The following FBXO10 variants were observed in gnomAD, a reference collection of about 807,000 sequenced individuals.
FBXO10 encodes the protein F-box protein 10.
A neutral mutation model predicts 80.7 loss-of-function variants in FBXO10; 39 were observed. The ratio of observed to expected loss-of-function variants is 0.48; its 90% confidence interval spans 0.37 to 0.63. The LOEUF (loss-of-function observed/expected upper bound fraction) is 0.63, where lower values mean the gene tolerates loss of function less well. Ranked by LOEUF, FBXO10 falls within the 30% of genes least tolerant of loss-of-function variation. FBXO10 has a pLI of 0.00. For synonymous variants in FBXO10, 449 were observed against 489.6 expected (o/e 0.92, Z 1.09); for missense variants, 1,025 against 1,269.0 (o/e 0.81, Z 2.92).
chr9:37,523,002 G>C, intron 6 of FBXO10, 25 bp from the exon 7 acceptor site: 1 of 1,579,112 alleles, frequency 6.3e-7, no homozygotes, highest in Non-Finnish European at 8.6e-7. Flanking sequence ...AGAAAAGAAG[G>C]TCAGTACCCA....
chr9:37,551,865 T>C (rs905325788), intron 1 of FBXO10, among the ~76,000 whole-genome samples: 4 of 152,256 alleles, frequency 2.6e-5, no homozygotes, highest in African/African-American at 9.6e-5. Flanking sequence ...CCCATTTTAC[T>C]ATAAGCAGTT....
rs1441987761 is a variant in FBXO10, at chr9:37,521,504, A to AG, written c.2200+64dup. The AG allele has an allele frequency of 8.6e-6, 12 of 1,391,952 alleles. No homozygotes were observed. The African/African-American group carries it at 1.2e-4, about 14-fold the overall frequency. The allele number at this position is 1,391,952 out of a possible 1,614,324, so 86.2% of individuals were successfully genotyped here. A position where few individuals can be genotyped will look rare whatever the true frequency, so the allele number is the denominator to read the frequency against. ...AATTAAATTAAAAGTTTTAAATTGG[A>AG]GAAAAAAAAAGACAGTGGGGAGCCA... On this transcript the variant is annotated intron_variant, in intron 8 of 10. Transcript: ENST00000432825.
At position 37,525,118 on chromosome 9, in the gene FBXO10, G is replaced by A. The variant is rs761185054; in HGVS notation, c.1761C>T (p.Gly587=). ...RAAGIAVNEN[G]KGLITENVIR... ...CATCCGTACCTGTGATGAGGCCTTT[G>A]CCGTTCTCATTCACTGCTATGCCGG... Residue 587 remains glycine, a synonymous_variant, in exon 6 of 11, where the codon GGC becomes GGT. Coordinates refer to ENST00000432825, the MANE Select transcript of FBXO10 (RefSeq NM_012166.3). The A allele has an allele frequency of 6.4e-7, 1 of 1,563,176 alleles. No individual in the cohort carries two copies. Among genetic ancestry groups the A allele is most frequent in the South Asian group, 1.2e-5 (1 of 84,502 alleles).
intron 6 of FBXO10, 56 bp from the exon 7 acceptor site, chr9:37,523,033 C>A: frequency 1.3e-6 from 2 of 1,554,758 alleles, no homozygotes; most frequent in South Asian, 2.4e-5. Flanking sequence ...CCAGTGCTGG[C>A]AAATAGGACT....
At chr9:37,541,820 T>C in intron 1 of FBXO10, 46 bp from the exon 2 acceptor site, 1 of 1,445,506 alleles carries the variant, frequency 6.9e-7, no homozygotes, top group Non-Finnish European at 9.3e-7. Context: ...CTATCCTACT[T>C]ACCAGTCCCC....
At chr9:37,539,903 A>G (rs538143377) in intron 2 of FBXO10, among the ~76,000 whole-genome samples, 1 of 152,298 alleles carries the variant, frequency 6.6e-6, no homozygotes, top group Non-Finnish European at 1.5e-5. Flanking sequence ...TGGGGGTCCA[A>G]TGAGGTCACA....
chr9:37,539,646 G>A (rs1202115103), intron 2 of FBXO10, among the ~76,000 whole-genome samples: 1 of 152,210 alleles, frequency 6.6e-6, no homozygotes, highest in African/African-American at 2.4e-5. Context: ...TTCTGGGCCT[G>A]CAGACCAGCA....
chr9:37,549,704 A>G (rs1340499015), intron 1 of FBXO10, among the ~76,000 whole-genome samples: 1 of 152,098 alleles, frequency 6.6e-6, no homozygotes, highest in African/African-American at 2.4e-5. Context: ...CATGGTCTCA[A>G]TTTTGCTGAC....
chr9:37,548,749 T>TC (rs1822119378), intron 1 of FBXO10, among the ~76,000 whole-genome samples: 1 of 152,012 alleles, frequency 6.6e-6, no homozygotes, highest in Non-Finnish European at 1.5e-5. Context: ...CTATGACAGA[T>TC]CCTTTTTTTT....
At chr9:37,520,897 A>G (rs10973393) in intron 8 of FBXO10, among the ~76,000 whole-genome samples, 13,195 of 152,172 alleles carry the variant, frequency 0.087, 618 homozygotes, top group South Asian at 0.12. Context: ...TCTCAAGTTC[A>G]TGGCCTATCA....
In FBXO10 at chr9:37,537,186, G is replaced by A. The variant is rs754281293; in HGVS notation, c.1343C>T (p.Ser448Phe). The change falls in exon 3 of 11, where the codon TCC becomes TTC. Residue 448 changes from serine (S) to phenylalanine (F), a missense_variant. Physicochemically the swap from Ser to Phe is radical, Grantham distance 155. This residue lies in a region of FBXO10 where 478 missense variants were observed against 667.8 expected (regional missense o/e 0.72). Coordinates refer to ENST00000432825, the MANE Select transcript of FBXO10 (RefSeq NM_012166.3). ...RDGKGGVFVC[S>F]HGRAKMEGNI... ...TCCTTCCATCTTGGCTCTGCCGTGG[G>A]AGCAGACGAAGACGCCTCCCTTCCC... 1.9e-6 allele frequency: 3 copies of A among 1,613,966 alleles called. No individual in the cohort carries two copies. The highest frequency in any genetic ancestry group is 2.5e-6 in the Non-Finnish European group (3 of 1,179,906).
At chr9:37,533,617 TC>T (rs1211079488) in intron 3 of FBXO10, among the ~76,000 whole-genome samples, 1 of 151,316 alleles carries the variant, frequency 6.6e-6, no homozygotes, top group Non-Finnish European at 1.5e-5. Flanking sequence ...ATGCCTGTAA[TC>T]CCAGCACTTT....
At chr9:37,555,801 T>G (rs974098482) in intron 1 of FBXO10, among the ~76,000 whole-genome samples, 6 of 152,208 alleles carry the variant, frequency 3.9e-5, no homozygotes, top group African/African-American at 7.2e-5. Flanking sequence ...TGCCTTTTCA[T>G]TGTCTTAATG....
intron 1 of FBXO10, 122 bp from the exon 2 acceptor site, chr9:37,541,896 T>C (rs999275130): frequency 6.3e-6 from 5 of 796,166 alleles, no homozygotes; most frequent in African/African-American, 5.2e-5. Context: ...TGGTGCGATC[T>C]TGGCCTCACC....
chr9:37,534,487 G>T (rs1240316912), intron 3 of FBXO10, among the ~76,000 whole-genome samples: 3 of 152,218 alleles, frequency 2.0e-5, no homozygotes, highest in Admixed American at 2.0e-4. Context: ...GCGCCTCCAA[G>T]GAGACGAGGC....
rs150188363 is a variant in FBXO10 at position 37,534,649 on chromosome 9, G to T, written c.1419+2461C>A. On this transcript the variant is annotated intron_variant, in intron 3 of 10. Coordinates refer to ENST00000432825, the MANE Select transcript of FBXO10 (RefSeq NM_012166.3). Reference sequence around the variant, plus strand: ...AGCTGCACCTGTTCACTTCTCTGTGGCCTTCACTAGGTGTTCATGGAGAAA... The same window carrying T: ...AGCTGCACCTGTTCACTTCTCTGTGTCCTTCACTAGGTGTTCATGGAGAAA... Among the ~76,000 whole-genome samples the T allele has an allele frequency of 2.2e-3, 340 of 152,198 alleles. 2 individuals are homozygous for T. Among genetic ancestry groups the T allele is most frequent in the Non-Finnish European group, 3.7e-3 (252 of 68,032 alleles).
chr9:37,523,786 A>G (rs569902282), intron 6 of FBXO10, among the ~76,000 whole-genome samples: 53 of 152,198 alleles, frequency 3.5e-4, no homozygotes, highest in Middle Eastern at 3.4e-3. Flanking sequence ...GCGTGGTGGC[A>G]CATGCCTGTA....
intron 3 of FBXO10, among the ~76,000 whole-genome samples, chr9:37,533,495 G>A (rs1821679610): frequency 6.6e-6 from 1 of 152,100 alleles, no homozygotes. Context: ...GCAGTGAGCC[G>A]AGATTGTGCC....
At chr9:37,544,991 C>CAAAA (rs59952580) in intron 1 of FBXO10, among the ~76,000 whole-genome samples, 62 of 69,434 alleles carry the variant, frequency 8.9e-4, no homozygotes, top group Admixed American at 1.1e-3. Flanking sequence ...GAGACTCTCT[C>CAAAA]AAAAAAAAAA....
Sources: allele counts gnomAD v4.1 joint callset (sites outside exome capture counted in the v4.1 genomes callset), GRCh38; gene constraint gnomAD v4.1.1; regional missense constraint gnomAD v4.1.1; transcripts MANE v1.5; gene names NCBI Gene and HGNC (gene_info 2026-07-23, HGNC 2026-07-21).